MDGA2: variants seen among roughly 807,000 people sequenced by gnomAD.
The protein encoded by MDGA2 is MAM domain-containing glycosylphosphatidylinositol anchor protein 2.
Under a neutral mutation model 117.8 loss-of-function variants are expected in MDGA2, and 40 were observed. That is an observed-to-expected ratio of 0.34 (90% CI 0.26 to 0.44). MDGA2 has a LOEUF of 0.44. MDGA2 is among the 20% of genes least tolerant of loss of function. The pLI, the probability that MDGA2 is intolerant of heterozygous loss-of-function variation, is 1.00. For synonymous variants in MDGA2, 452 were observed against 439.0 expected, an observed-to-expected ratio of 1.03 and a Z score of -0.37; for missense variants, 1,123 against 1,250.6, an observed-to-expected ratio of 0.90 and a Z score of 1.54.
At chr14:47,292,621 G>A (rs1485387771) in intron 2 of MDGA2, among the ~76,000 whole-genome samples, 1 of 151,420 alleles carries the variant, frequency 6.6e-6, no homozygotes, top group African/African-American at 2.4e-5. Context: ...TTGAAGGAAG[G>A]ATTGAGACAG....
chr14:47,077,358 C>A (rs1225845457), intron 6 of MDGA2, among the ~76,000 whole-genome samples: 1 of 152,088 alleles, frequency 6.6e-6, no homozygotes, highest in Admixed American at 6.5e-5. Flanking sequence ...TGCTACGCTG[C>A]CTCTTTTGTG....
chr14:46,945,489 A>T (rs778016218), intron 9 of MDGA2, among the ~76,000 whole-genome samples: 2 of 152,070 alleles, frequency 1.3e-5, no homozygotes, highest in Admixed American at 6.6e-5. Context: ...CATAGAGAAG[A>T]AAATGGTAAA....
chr14:47,521,039 C>A (rs1411710675), intron 1 of MDGA2, among the ~76,000 whole-genome samples: 1 of 152,086 alleles, frequency 6.6e-6, no homozygotes, highest in African/African-American at 2.4e-5. Flanking sequence ...ATAGCAAAAC[C>A]TGTCATGGAT....
chr14:47,071,166 A>AAC (rs764984129), intron 6 of MDGA2, among the ~76,000 whole-genome samples: 6 of 152,112 alleles, frequency 3.9e-5, no homozygotes, highest in Non-Finnish European at 7.4e-5. Flanking sequence ...TTATGGTTAC[A>AAC]ACACACACAC....
At chr14:47,264,737 GGTATACACGTGCCATGGTA>G (rs999627840) in intron 2 of MDGA2, among the ~76,000 whole-genome samples, 6 of 151,102 alleles carry the variant, frequency 4.0e-5, no homozygotes, top group Admixed American at 1.3e-4. Flanking sequence ...TTGTTACATA[GGTATACACGTGCCATGGTA>G]GTATACACGT....
At chr14:47,065,496 T>C (rs557597706) in intron 6 of MDGA2, among the ~76,000 whole-genome samples, 2 of 152,164 alleles carry the variant, frequency 1.3e-5, no homozygotes, top group Admixed American at 1.3e-4. Context: ...ATCTTGAGCA[T>C]AGGCTTGAAA....
intron 3 of MDGA2, among the ~76,000 whole-genome samples, chr14:47,192,610 C>A (rs527907371): frequency 3.8e-4 from 57 of 151,896 alleles, no homozygotes; most frequent in Middle Eastern, 3.4e-3. Flanking sequence ...CACAGGGAGA[C>A]CCTGTCTCAA....
At chr14:46,889,289 T>C (rs1882787393) in intron 10 of MDGA2, among the ~76,000 whole-genome samples, 1 of 152,078 alleles carries the variant, frequency 6.6e-6, no homozygotes, top group South Asian at 2.1e-4. Context: ...GTAGGCACTT[T>C]TCACATCATA....
At chr14:47,144,792 G>C (rs1359876027) in intron 3 of MDGA2, among the ~76,000 whole-genome samples, 1 of 148,192 alleles carries the variant, frequency 6.7e-6, no homozygotes, top group Non-Finnish European at 1.5e-5. Flanking sequence ...GAGACTACAG[G>C]CATGTGCTAC....
At chr14:46,943,237 G>A (rs1477461686) in intron 9 of MDGA2, among the ~76,000 whole-genome samples, 1 of 151,948 alleles carries the variant, frequency 6.6e-6, no homozygotes, top group African/African-American at 2.4e-5. Context: ...TGAATGCTAT[G>A]TATTCCCCCA....
At chr14:47,144,329 A>T in intron 3 of MDGA2, 55 bp from the exon 4 acceptor site, 1 of 1,401,424 alleles carries the variant, frequency 7.1e-7, no homozygotes, top group Non-Finnish European at 9.7e-7. Context: ...TGACTTTTAA[A>T]GTATTGTGCT....
In MDGA2 at chr14:47,211,260, ACT is replaced by A. The variant is rs201249519; in HGVS notation, c.595+6759_595+6760del. On this transcript the variant is annotated intron_variant, in intron 3 of 16. Coordinates refer to ENST00000399232, the MANE Select transcript of MDGA2 (RefSeq NM_001113498.3). ...AAAGATACCTTTGGCCTTCCCTACT[ACT>A]CTGTTAAGAATGGTGAGGGGTCTGA... Among the ~76,000 whole-genome samples the A allele has an allele frequency of 2.6e-4, 40 of 151,758 alleles. No homozygotes were observed. The East Asian group carries it at 7.6e-3, about 29-fold the overall frequency.
intron 1 of MDGA2, among the ~76,000 whole-genome samples, chr14:47,323,784 G>A (rs1025457569): frequency 6.6e-6 from 1 of 152,072 alleles, no homozygotes; most frequent in Non-Finnish European, 1.5e-5. Flanking sequence ...GCTGGCAAAA[G>A]CACAAGAGGG....
chr14:47,351,386 CACATCTTGAATTTCA>C (rs1431518441), intron 1 of MDGA2, among the ~76,000 whole-genome samples: 2 of 152,074 alleles, frequency 1.3e-5, no homozygotes, highest in Admixed American at 6.6e-5. Flanking sequence ...CTGGACTGAT[CACATCTTGAATTTCA>C]TGATGGGCAC....
intron 15 of MDGA2, among the ~76,000 whole-genome samples, chr14:46,850,266 CA>C (rs1315226844): frequency 6.6e-6 from 1 of 151,556 alleles, no homozygotes; most frequent in African/African-American, 2.4e-5. Context: ...ATATAGATGT[CA>C]AAATAAAGAT....
In MDGA2 at chr14:46,977,806, G is replaced by A. The variant is rs531321604; in HGVS notation, c.1820-20163C>T. ...ATTTTTTCACAACAGCAGAAATTGGGGAGATAATGTAGGGGGACTCGGTAA... is the reference window on the plus strand; with the variant it reads ...ATTTTTTCACAACAGCAGAAATTGGAGAGATAATGTAGGGGGACTCGGTAA... On this transcript the variant is annotated intron_variant, in intron 8 of 16. Transcript: ENST00000399232. Among the ~76,000 whole-genome samples the A allele has an allele frequency of 4.0e-5, 6 of 151,548 alleles. No individual in the cohort carries two copies. The East Asian group carries it at 1.2e-3, about 29-fold the overall frequency.
intron 3 of MDGA2, among the ~76,000 whole-genome samples, chr14:47,156,865 T>C (rs1883409053): frequency 6.6e-6 from 1 of 152,224 alleles, no homozygotes; most frequent in Non-Finnish European, 1.5e-5. Flanking sequence ...ATTTTTTCAC[T>C]TTATGAACAA....
intron 10 of MDGA2, among the ~76,000 whole-genome samples, chr14:46,887,967 T>A (rs1882734866): frequency 6.6e-6 from 1 of 151,976 alleles, no homozygotes; most frequent in African/African-American, 2.4e-5. Context: ...AAATTTGTAG[T>A]ACATTACAAA....
At chr14:47,267,307 C>T (rs1270374907) in intron 2 of MDGA2, among the ~76,000 whole-genome samples, 1 of 151,828 alleles carries the variant, frequency 6.6e-6, no homozygotes. Context: ...AAATTAAGAT[C>T]ACAAAGGCAA....
Sources: allele counts gnomAD v4.1 joint callset (sites outside exome capture counted in the v4.1 genomes callset), GRCh38; gene constraint gnomAD v4.1.1; transcripts MANE v1.5; gene names NCBI Gene and HGNC (gene_info 2026-07-23, HGNC 2026-07-21).